The following GALNTL6 variants were observed in gnomAD, a reference collection of about 807,000 sequenced individuals.
The protein encoded by GALNTL6 is polypeptide N-acetylgalactosaminyltransferase-like 6.
In GALNTL6, 46 loss-of-function variants were observed where a neutral mutation model predicts 73.7. That is an observed-to-expected ratio of 0.62 (90% CI 0.49 to 0.80). The LOEUF (loss-of-function observed/expected upper bound fraction) is 0.80. Among genes scored for constraint, GALNTL6 ranks in the 30% least tolerant of loss-of-function variants. GALNTL6 has a pLI of 0.00. For missense variants in GALNTL6, 604 were observed against 755.0 expected (o/e 0.80, Z 2.34); for synonymous variants, 259 against 263.7 (o/e 0.98, Z 0.17).
At chr4:172,877,028 A>G (rs1745229677) in intron 7 of GALNTL6, among the ~76,000 whole-genome samples, 1 of 152,174 alleles carries the variant, frequency 6.6e-6, no homozygotes, top group Admixed American at 6.6e-5. Context: ...TGCAAGCCAC[A>G]TGTCCAGAAT....
intron 5 of GALNTL6, among the ~76,000 whole-genome samples, chr4:172,573,997 C>T (rs978391368): frequency 1.3e-5 from 2 of 152,124 alleles, no homozygotes; most frequent in Non-Finnish European, 2.9e-5. Flanking sequence ...CCACTATTAA[C>T]ACCACTTCTT....
intron 7 of GALNTL6, among the ~76,000 whole-genome samples, chr4:172,822,215 T>C (rs1264841802): frequency 6.6e-6 from 1 of 152,212 alleles, no homozygotes; most frequent in East Asian, 1.9e-4. Context: ...TCAGTTTGTC[T>C]TGGTCTCTTG....
chr4:173,019,292 T>C (rs1011829312), intron 11 of GALNTL6, among the ~76,000 whole-genome samples: 5 of 152,164 alleles, frequency 3.3e-5, no homozygotes, highest in Admixed American at 2.6e-4. Flanking sequence ...TGCAAGGAAC[T>C]GGACATAAGA....
chr4:171,826,419 G>C (rs1294277904), intron 2 of GALNTL6, among the ~76,000 whole-genome samples: 1 of 152,080 alleles, frequency 6.6e-6, no homozygotes, highest in Non-Finnish European at 1.5e-5. Context: ...CTTTAGGAAC[G>C]TCCACATATT....
intron 5 of GALNTL6, among the ~76,000 whole-genome samples, chr4:172,697,537 T>TA (rs1315510080): frequency 6.6e-6 from 1 of 152,124 alleles, no homozygotes; most frequent in African/African-American, 2.4e-5. Context: ...TACCAACCAA[T>TA]ACACAAGTGA....
chr4:172,217,239 A>T (rs1419659608), intron 2 of GALNTL6, among the ~76,000 whole-genome samples: 2 of 152,180 alleles, frequency 1.3e-5, no homozygotes, highest in Non-Finnish European at 2.9e-5. Flanking sequence ...ATTTTCCCCC[A>T]CAAAGGACAG....
At chr4:172,347,721 CATTATAATTTT>C (rs1741799275) in intron 4 of GALNTL6, among the ~76,000 whole-genome samples, 2 of 152,022 alleles carry the variant, frequency 1.3e-5, no homozygotes. Context: ...GTGCCCATAT[CATTATAATTTT>C]GATGGGTTTT....
chr4:171,886,511 A>G (rs1378288281), intron 2 of GALNTL6, among the ~76,000 whole-genome samples: 1 of 152,200 alleles, frequency 6.6e-6, no homozygotes, highest in Non-Finnish European at 1.5e-5. Flanking sequence ...TTATGTTAAT[A>G]CATAAGTGTA....
chr4:172,377,734 G>A (rs1160950279), intron 5 of GALNTL6, among the ~76,000 whole-genome samples: 3 of 152,128 alleles, frequency 2.0e-5, no homozygotes, highest in African/African-American at 4.8e-5. Context: ...GGGTAGGCTG[G>A]CAGTGCTGGG....
At chr4:172,519,547 A>G in intron 5 of GALNTL6, among the ~76,000 whole-genome samples, 1 of 143,044 alleles carries the variant, frequency 7.0e-6, no homozygotes, top group African/African-American at 2.6e-5. Flanking sequence ...GGGTTGGGGG[A>G]GGAGTAGGGC....
intron 7 of GALNTL6, among the ~76,000 whole-genome samples, chr4:172,871,589 G>GGT (rs1417379133): frequency 3.2e-5 from 3 of 93,988 alleles, no homozygotes; most frequent in African/African-American, 6.8e-5. Context: ...CTCTGACTCT[G>GGT]GGGGGGGTGT....
intron 5 of GALNTL6, among the ~76,000 whole-genome samples, chr4:172,487,761 C>A (rs948026627): frequency 6.6e-6 from 1 of 152,040 alleles, no homozygotes; most frequent in African/African-American, 2.4e-5. Context: ...ATAAACTATT[C>A]AATATATTAG....
chr4:172,442,743 C>T (rs1189039382), intron 5 of GALNTL6, among the ~76,000 whole-genome samples: 1 of 152,126 alleles, frequency 6.6e-6, no homozygotes. Context: ...AAGCACTGCA[C>T]TTGTTACTTG....
intron 2 of GALNTL6, among the ~76,000 whole-genome samples, chr4:172,060,228 A>C (rs1215740194): frequency 6.6e-6 from 1 of 152,236 alleles, no homozygotes; most frequent in Non-Finnish European, 1.5e-5. Flanking sequence ...ATTGAAGACA[A>C]AAGCAATTCT....
At chr4:173,012,984 A>G (rs992915221) in intron 11 of GALNTL6, among the ~76,000 whole-genome samples, 1 of 152,188 alleles carries the variant, frequency 6.6e-6, no homozygotes, top group Non-Finnish European at 1.5e-5. Context: ...CTAAAAATAC[A>G]AAAATCAGCC....
chr4:172,375,232 A>G (rs1332329672), intron 5 of GALNTL6, among the ~76,000 whole-genome samples: 2 of 152,142 alleles, frequency 1.3e-5, no homozygotes, highest in Admixed American at 6.5e-5. Flanking sequence ...GACATAAGGC[A>G]TTTCACTCTA....
At chr4:171,854,877 A>C (rs1372921940) in intron 2 of GALNTL6, among the ~76,000 whole-genome samples, 1 of 152,098 alleles carries the variant, frequency 6.6e-6, no homozygotes, top group Non-Finnish European at 1.5e-5. Context: ...CAAAATATGA[A>C]TTTTGCAGAC....
chr4:172,192,957 G>C (rs1402391236), intron 2 of GALNTL6, among the ~76,000 whole-genome samples: 1 of 152,218 alleles, frequency 6.6e-6, no homozygotes, highest in Non-Finnish European at 1.5e-5. Flanking sequence ...TCAGCAGGTA[G>C]GGCTTCCCTG....
intron 5 of GALNTL6, among the ~76,000 whole-genome samples, chr4:172,724,637 C>G (rs780684004): frequency 1.4e-4 from 21 of 152,052 alleles, no homozygotes; most frequent in Admixed American, 3.3e-4. Flanking sequence ...CACAGCAAGA[C>G]CTCAATACAT....
Sources: gnomAD v4.1 joint callset for allele counts (sites outside exome capture counted in the v4.1 genomes callset) on GRCh38, gnomAD v4.1.1 for gene constraint, MANE v1.5 for transcripts, NCBI Gene and HGNC (gene_info 2026-07-23, HGNC 2026-07-21) for gene names.